The following FAR2 variants were observed in gnomAD, a reference collection of about 807,000 sequenced individuals.
FAR2 encodes the protein epididymis secretory protein Li 81.
FAR2 carries 19 observed loss-of-function variants against 56.0 expected under a neutral mutation model. The observed-to-expected ratio is 0.34, with a 90% CI of 0.24 to 0.50. The LOEUF (loss-of-function observed/expected upper bound fraction) is 0.50, where lower values mean the gene tolerates loss of function less well. FAR2 is among the 20% of genes least tolerant of loss of function. FAR2 has a pLI of 0.98. For synonymous variants in FAR2, 219 were observed against 218.8 expected (o/e 1.00, Z -0.01); for missense variants, 508 against 642.2 (o/e 0.79, Z 2.26).
chr12:29,255,666 C>G (rs1296836585), intron 1 of FAR2, among the ~76,000 whole-genome samples: 3 of 151,108 alleles, frequency 2.0e-5, no homozygotes, highest in African/African-American at 7.3e-5. Context: ...TTCTTGTTGC[C>G]CAGGCTGGTG....
At chr12:29,156,846 T>C (rs1949731799) in intron 1 of FAR2, 2 of 152,072 alleles carry the variant, frequency 1.3e-5, no homozygotes, top group South Asian at 4.1e-4. Flanking sequence ...AGTCCAGGTA[T>C]TTCCATGGAA....
chr12:29,307,624 A>G, intron 4 of FAR2, 34 bp from the exon 5 acceptor site: 1 of 1,560,198 alleles, frequency 6.4e-7, no homozygotes, highest in Non-Finnish European at 8.7e-7. Context: ...TGTCTAACAT[A>G]TGTTACTAGA....
At chr12:29,191,527 G>A (rs576931073) in intron 1 of FAR2, among the ~76,000 whole-genome samples, 4 of 152,312 alleles carry the variant, frequency 2.6e-5, no homozygotes, top group East Asian at 1.9e-4. Flanking sequence ...TTGAAACACC[G>A]ATGTGTGTAA....
Position 29,251,061 on chromosome 12 carries a change from T to C in FAR2, c.-38-19351T>C, listed in dbSNP as rs187393424. ...CAGAAGAGTCTGACTTGAAGAGACC[T>C]GTGGCATTGGCTAGTTGATTAGGAT... On this transcript the variant is annotated intron_variant, in intron 1 of 11. Transcript: ENST00000536681. 2.6e-5 allele frequency among the ~76,000 whole-genome samples: 4 copies of C among 152,286 alleles called. No individual in the cohort carries two copies. The East Asian group carries it at 7.7e-4, about 29-fold the overall frequency.
At chr12:29,180,869 C>G (rs1949985732) in intron 1 of FAR2, among the ~76,000 whole-genome samples, 1 of 152,078 alleles carries the variant, frequency 6.6e-6, no homozygotes, top group Middle Eastern at 3.2e-3. Flanking sequence ...TTGGTTTTCT[C>G]ATTTTCTTCT....
chr12:29,268,902 A>G (rs1287201262), intron 1 of FAR2, among the ~76,000 whole-genome samples: 1 of 152,126 alleles, frequency 6.6e-6, no homozygotes, highest in Non-Finnish European at 1.5e-5. Context: ...AAGGGGAGGG[A>G]GTGTGCAAAT....
intron 2 of FAR2, among the ~76,000 whole-genome samples, chr12:29,275,874 C>G (rs17714340): frequency 0.11 from 16,657 of 152,224 alleles, 1,191 homozygotes; most frequent in Non-Finnish European, 0.17. Flanking sequence ...ATCTGTGAAA[C>G]TGCCTTGCAA....
At chr12:29,206,896 C>G (rs1947482949) in intron 1 of FAR2, among the ~76,000 whole-genome samples, 1 of 152,006 alleles carries the variant, frequency 6.6e-6, no homozygotes, top group South Asian at 2.1e-4. Context: ...GACATAAGGG[C>G]CATCTGGAAA....
intron 1 of FAR2, among the ~76,000 whole-genome samples, chr12:29,154,414 GTTTTT>G (rs66603297): frequency 7.8e-5 from 11 of 141,472 alleles, no homozygotes; most frequent in African/African-American, 2.9e-4. Context: ...TTTTGTTTTT[GTTTTT>G]TTTTTTGTTT....
At chr12:29,293,239 C>A (rs951944417) in intron 2 of FAR2, 61 bp from the exon 3 acceptor site, 9 of 1,329,956 alleles carry the variant, frequency 6.8e-6, no homozygotes, top group African/African-American at 1.5e-5. Flanking sequence ...TTGTTATAAA[C>A]AAGAACAATG....
chr12:29,308,715 C>CATATATATATATATATATATATAT (rs1416754268), intron 5 of FAR2, among the ~76,000 whole-genome samples: 1 of 129,548 alleles, frequency 7.7e-6, no homozygotes, highest in African/African-American at 3.2e-5. Flanking sequence ...CACACACACA[C>CATATATATATATATATATATATAT]ACACATATAT....
chr12:29,276,831 G>T (rs1278189785), intron 2 of FAR2, among the ~76,000 whole-genome samples: 1 of 145,182 alleles, frequency 6.9e-6, no homozygotes, highest in South Asian at 2.2e-4. Context: ...AAAGGTGAAA[G>T]AAACCTCTAG....
intron 1 of FAR2, among the ~76,000 whole-genome samples, chr12:29,185,832 C>T (rs77661659): frequency 0.011 from 1,640 of 152,188 alleles, 29 homozygotes; most frequent in African/African-American, 0.038. Context: ...ACAAGGGACA[C>T]GCCCATTCAA....
At chr12:29,313,415 A>G (rs1447937479) in intron 8 of FAR2, among the ~76,000 whole-genome samples, 4 of 152,296 alleles carry the variant, frequency 2.6e-5, no homozygotes, top group South Asian at 2.1e-4. Flanking sequence ...TGGTCATAGC[A>G]TATTATCTTT....
chr12:29,322,136 G>A (rs1190654561), intron 10 of FAR2, among the ~76,000 whole-genome samples: 1 of 152,148 alleles, frequency 6.6e-6, no homozygotes, highest in Non-Finnish European at 1.5e-5. Context: ...CTTGGACTTT[G>A]GTTAAATCTT....
intron 1 of FAR2, among the ~76,000 whole-genome samples, chr12:29,235,651 C>T (rs889952836): frequency 2.6e-5 from 4 of 152,122 alleles, no homozygotes; most frequent in African/African-American, 9.7e-5. Context: ...TGCATGTTAT[C>T]TTTTTTAGAG....
At chr12:29,323,086 T>C (rs1000357030) in intron 10 of FAR2, among the ~76,000 whole-genome samples, 2 of 152,220 alleles carry the variant, frequency 1.3e-5, no homozygotes, top group African/African-American at 4.8e-5. Context: ...GCTTAACAAA[T>C]GGCACACCAT....
intron 1 of FAR2, among the ~76,000 whole-genome samples, chr12:29,226,030 G>A (rs185163852): frequency 1.4e-3 from 215 of 152,252 alleles, no homozygotes; most frequent in Admixed American, 2.2e-3. Context: ...AATCAGACTC[G>A]TACAAATTAC....
At chr12:29,294,935 CTT>C (rs1301854001) in intron 3 of FAR2, among the ~76,000 whole-genome samples, 2 of 151,754 alleles carry the variant, frequency 1.3e-5, no homozygotes, top group African/African-American at 2.4e-5. Context: ...TATTTTTACT[CTT>C]TATCTGATAT....
Sources: allele counts gnomAD v4.1 joint callset (sites outside exome capture counted in the v4.1 genomes callset), GRCh38; gene constraint gnomAD v4.1.1; transcripts MANE v1.5; gene names NCBI Gene and HGNC (gene_info 2026-07-23, HGNC 2026-07-21).